SHROOM4: variants seen among roughly 807,000 people sequenced by gnomAD.
SHROOM4 encodes the protein protein Shroom4.
In SHROOM4, 17 loss-of-function variants were observed where a neutral mutation model predicts 80.3. The observed-to-expected ratio is 0.21, with a 90% confidence interval of 0.14 to 0.32. The LOEUF (loss-of-function observed/expected upper bound fraction) is 0.32. Among genes scored for constraint, SHROOM4 ranks in the 10% least tolerant of loss-of-function variants. SHROOM4 has a pLI of 1.00. For missense variants in SHROOM4, 993 were observed against 1,140.3 expected (o/e 0.87, Z 1.86); for synonymous variants, 400 against 437.5 (o/e 0.91, Z 1.07).
chrX:50,622,803 G>A (rs1278479239), intron 5 of SHROOM4, among the ~76,000 whole-genome samples: 1 of 112,049 alleles, frequency 8.9e-6, no homozygotes, highest in Middle Eastern at 4.2e-3. Flanking sequence ...CTTTAATTGG[G>A]ACCTGCCTCT....
At position 50,772,008 on chromosome X, in the gene SHROOM4, ATGTGTGTGTG is replaced by A. The variant is rs10581172; in HGVS notation, c.117+41884_117+41893del. On this transcript the variant is annotated intron_variant, in intron 1 of 8. Coordinates refer to ENST00000376020, the MANE Select transcript of SHROOM4 (RefSeq NM_020717.5). ...TACATATAATATGACCTTGTTTTTT[ATGTGTGTGTG>A]TGTGTGTGTGTGTGTGTGTGTATAA... 1.1e-3 allele frequency among the ~76,000 whole-genome samples: 113 copies of A among 103,089 alleles called. 1 individual carries two copies. The highest frequency in any genetic ancestry group is 2.4e-3 in the South Asian group (5 of 2,100). The allele number at this position is 103,089 out of a possible 115,157, so 89.5% of individuals were successfully genotyped here. A position where few individuals can be genotyped will look rare whatever the true frequency, so the allele number is the denominator to read the frequency against.
At chrX:50,680,188 T>C (rs1557261674) in intron 2 of SHROOM4, among the ~76,000 whole-genome samples, 1 of 111,902 alleles carries the variant, frequency 8.9e-6, no homozygotes, top group African/African-American at 3.2e-5. Flanking sequence ...ATCTGCCCTA[T>C]CTTTAAATAT....
In SHROOM4 at chrX:50,749,117, T is replaced by G. The variant is rs782747634; in HGVS notation, c.118-53180A>C. 6.3e-5 allele frequency among the ~76,000 whole-genome samples: 7 copies of G among 111,187 alleles called. No individual in the cohort carries two copies. The South Asian group carries it at 2.7e-3, about 42-fold the overall frequency. ...GTCCCAACTACTGGGGAGGCTGAGG[T>G]GGGAGGATTGCTTGAGCCCAGGAGA... On this transcript the variant is annotated intron_variant, in intron 1 of 8. Coordinates refer to ENST00000376020, the MANE Select transcript of SHROOM4 (RefSeq NM_020717.5).
At chrX:50,796,360 A>G (rs1936010579) in intron 1 of SHROOM4, among the ~76,000 whole-genome samples, 1 of 111,687 alleles carries the variant, frequency 9.0e-6, no homozygotes, top group African/African-American at 3.3e-5. Flanking sequence ...TGGAAGAAAG[A>G]TTTTTTCAAG....
intron 2 of SHROOM4, among the ~76,000 whole-genome samples, chrX:50,669,238 C>G (rs1557260588): frequency 9.0e-6 from 1 of 111,624 alleles, no homozygotes; most frequent in Non-Finnish European, 1.9e-5. Flanking sequence ...ACCCTTCCTT[C>G]CCTGAGAGAT....
intron 1 of SHROOM4, among the ~76,000 whole-genome samples, chrX:50,786,030 T>C (rs1456628182): frequency 9.0e-6 from 1 of 110,939 alleles, no homozygotes; most frequent in Non-Finnish European, 1.9e-5. Flanking sequence ...TTTTGAAAAA[T>C]CCAGAAACTA....
At chrX:50,648,771 T>C (rs1168714041) in intron 2 of SHROOM4, among the ~76,000 whole-genome samples, 8 of 111,742 alleles carry the variant, frequency 7.2e-5, no homozygotes, top group African/African-American at 2.6e-4. Flanking sequence ...GAAAACACAG[T>C]TTTTATAAGG....
At chrX:50,759,117 C>T (rs192089722) in intron 1 of SHROOM4, among the ~76,000 whole-genome samples, 23 of 111,955 alleles carry the variant, frequency 2.1e-4, no homozygotes, top group African/African-American at 6.8e-4. Context: ...GAAGCCCTAA[C>T]TCAACAGTAT....
intron 1 of SHROOM4, among the ~76,000 whole-genome samples, chrX:50,802,829 T>A (rs1291731865): frequency 4.5e-5 from 5 of 111,861 alleles, no homozygotes; most frequent in Non-Finnish European, 9.4e-5. Flanking sequence ...TTCTGGGGTA[T>A]CCAGAATACC....
chrX:50,715,838 A>G (rs1557264774), intron 1 of SHROOM4, among the ~76,000 whole-genome samples: 1 of 107,447 alleles, frequency 9.3e-6, no homozygotes, highest in East Asian at 2.9e-4. Context: ...CCTATCATCC[A>G]GTCATCCTAC....
At chrX:50,676,957 G>A (rs887614561) in intron 2 of SHROOM4, among the ~76,000 whole-genome samples, 2 of 111,582 alleles carry the variant, frequency 1.8e-5, no homozygotes, top group Non-Finnish European at 3.8e-5. Flanking sequence ...AGAGAGAAAC[G>A]GGATTTTTAC....
At chrX:50,652,310 G>A (rs1279152693) in intron 2 of SHROOM4, among the ~76,000 whole-genome samples, 1 of 112,167 alleles carries the variant, frequency 8.9e-6, no homozygotes, top group Non-Finnish European at 1.9e-5. Context: ...TTGTGGTTTT[G>A]ATTTGCATTT....
Position 50,610,352 on chromosome X carries a change from T to TCTCTCACACACACACA in SHROOM4, c.2958-2169_2958-2168insTGTGTGTGTGTGAGAG, listed in dbSNP as rs782591424. 2.1e-3 allele frequency among the ~76,000 whole-genome samples: 194 copies of TCTCTCACACACACACA among 91,694 alleles called. 2 individuals carry two copies. The highest frequency in any genetic ancestry group is 8.2e-3 in the African/African-American group (179 of 21,857). 79.6% of individuals were successfully genotyped at this position (91,694 alleles called of 115,157 possible). A position where few individuals can be genotyped will look rare whatever the true frequency, so the allele number is the denominator to read the frequency against. On this transcript the variant is annotated intron_variant, in intron 5 of 8. Coordinates refer to ENST00000376020, the MANE Select transcript of SHROOM4 (RefSeq NM_020717.5). ...GGCATATTCTCTCTCTCTCTCTCTC[T>TCTCTCACACACACACA]CACACACACACACACACACACACAC...
chrX:50,678,492 G>C (rs1557261519), intron 2 of SHROOM4, among the ~76,000 whole-genome samples: 1 of 111,179 alleles, frequency 9.0e-6, no homozygotes, highest in African/African-American at 3.3e-5. Context: ...CTAATTTCTT[G>C]CAGTTCTGAG....
intron 1 of SHROOM4, among the ~76,000 whole-genome samples, chrX:50,762,904 T>C (rs1935191453): frequency 8.9e-6 from 1 of 111,919 alleles, no homozygotes; most frequent in Admixed American, 9.5e-5. Context: ...CTTCTTGGAA[T>C]TTCTTGAGGA....
At chrX:50,615,670 T>A (rs1312533742) in intron 5 of SHROOM4, among the ~76,000 whole-genome samples, 1 of 111,525 alleles carries the variant, frequency 9.0e-6, no homozygotes, top group Non-Finnish European at 1.9e-5. Flanking sequence ...AAAAGTTAGA[T>A]CTTTTTTACT....
chrX:50,746,906 C>G (rs189293156), intron 1 of SHROOM4, among the ~76,000 whole-genome samples: 151 of 112,151 alleles, frequency 1.3e-3, no homozygotes, highest in Non-Finnish European at 3.6e-4. Context: ...TAGCTGTTAT[C>G]AACTAGAACT....
intron 1 of SHROOM4, among the ~76,000 whole-genome samples, chrX:50,712,777 T>C (rs1933850477): frequency 8.9e-6 from 1 of 111,938 alleles, no homozygotes; most frequent in Non-Finnish European, 1.9e-5. Flanking sequence ...AACAGAATCC[T>C]GTCATTTGGA....
At chrX:50,736,695 T>G (rs1198197073) in intron 1 of SHROOM4, among the ~76,000 whole-genome samples, 1 of 112,408 alleles carries the variant, frequency 8.9e-6, no homozygotes, top group East Asian at 2.8e-4. Context: ...TGAATAGTGC[T>G]GCAATAAACA....
Sources: gnomAD v4.1 joint callset for allele counts (sites outside exome capture counted in the v4.1 genomes callset) on GRCh38, gnomAD v4.1.1 for gene constraint, MANE v1.5 for transcripts, NCBI Gene and HGNC (gene_info 2026-07-23, HGNC 2026-07-21) for gene names.